RAB11FIP3: variants seen among roughly 807,000 people sequenced by gnomAD.
RAB11FIP3 encodes the protein rab11 family-interacting protein 3.
RAB11FIP3 carries 17 observed loss-of-function variants against 77.8 expected under a neutral mutation model. The ratio of observed to expected loss-of-function variants is 0.22; its 90% CI spans 0.15 to 0.33. The LOEUF is 0.33. RAB11FIP3 is among the 10% of genes least tolerant of loss of function. The pLI, the probability that RAB11FIP3 is intolerant of heterozygous loss-of-function variation, is 1.00. For missense variants in RAB11FIP3, 1,005 were observed against 1,011.2 expected (o/e 0.99, Z 0.08); for synonymous variants, 437 against 448.2 (o/e 0.98, Z 0.31).
intron 6 of RAB11FIP3, among the ~76,000 whole-genome samples, chr16:502,473 C>T (rs572012214): frequency 2.0e-5 from 3 of 152,234 alleles, no homozygotes; most frequent in East Asian, 1.9e-4. Flanking sequence ...CCAGTGTGTC[C>T]GTGAGGGTGA....
chr16:453,245 T>G (rs2055438935), intron 1 of RAB11FIP3: 1 of 151,392 alleles, frequency 6.6e-6, no homozygotes, highest in South Asian at 2.1e-4. Flanking sequence ...TGGCTAAATT[T>G]TTGTATTTTT....
chr16:499,520 G>A (rs2031367302), intron 6 of RAB11FIP3, among the ~76,000 whole-genome samples: 2 of 152,196 alleles, frequency 1.3e-5, no homozygotes, highest in East Asian at 1.9e-4. Context: ...AATCTGAGCC[G>A]GACGCAGTGG....
chr16:516,810 G>A (rs1283496262), intron 9 of RAB11FIP3, among the ~76,000 whole-genome samples: 3 of 152,196 alleles, frequency 2.0e-5, no homozygotes, highest in African/African-American at 7.2e-5. Flanking sequence ...CTGGGAGGCA[G>A]AGGTTGCACT....
chr16:496,705 G>T, intron 5 of RAB11FIP3, 119 bp from the exon 6 acceptor site: 2 of 983,414 alleles, frequency 2.0e-6, no homozygotes, highest in Non-Finnish European at 3.2e-6. Flanking sequence ...GGCCCTGCAT[G>T]CCGGGAGCAT....
At chr16:470,412 C>T (rs1292958249) in intron 2 of RAB11FIP3, among the ~76,000 whole-genome samples, 1 of 152,256 alleles carries the variant, frequency 6.6e-6, no homozygotes, top group Non-Finnish European at 1.5e-5. Context: ...GGATTACAGG[C>T]ATAGGCCACC....
intron 3 of RAB11FIP3, chr16:474,940 G>T: frequency 6.5e-7 from 1 of 1,547,972 alleles, no homozygotes; most frequent in South Asian, 1.2e-5. Flanking sequence ...ACCCCAGCAT[G>T]ACAAGCAAGT....
At chr16:487,293 G>C (rs922827383) in intron 4 of RAB11FIP3, among the ~76,000 whole-genome samples, 1 of 152,070 alleles carries the variant, frequency 6.6e-6, no homozygotes, top group East Asian at 1.9e-4. Flanking sequence ...ACCACCCCCA[G>C]GTAATTTTTT....
At chr16:449,903 G>A (rs1409538619) in intron 1 of RAB11FIP3, among the ~76,000 whole-genome samples, 1 of 151,266 alleles carries the variant, frequency 6.6e-6, no homozygotes, top group Non-Finnish European at 1.5e-5. Flanking sequence ...GTGAGCCAAG[G>A]TCGTGCCACT....
intron 5 of RAB11FIP3, among the ~76,000 whole-genome samples, chr16:492,487 TCCCGGGAGACCCGAGGCCGC>T (rs1567392514): frequency 0.074 from 1,764 of 23,878 alleles, 59 homozygotes; most frequent in East Asian, 0.13. Flanking sequence ...CCCAGGGCCC[TCCCGGGAGACCCGAGGCCGC>T]CCAGGGCCCT....
chr16:493,236 G>GATCGCA (rs956774176), intron 5 of RAB11FIP3, among the ~76,000 whole-genome samples: 4 of 129,958 alleles, frequency 3.1e-5, no homozygotes, highest in African/African-American at 1.2e-4. Flanking sequence ...GGGCAACAGA[G>GATCGCA]CCAAACTCTG....
intron 2 of RAB11FIP3, among the ~76,000 whole-genome samples, chr16:463,531 C>A (rs924878249): frequency 6.7e-6 from 1 of 148,622 alleles, no homozygotes; most frequent in Non-Finnish European, 1.5e-5. Context: ...CTCCGCCTCT[C>A]GGGTTCAAGC....
chr16:485,960 G>A (rs2056145956), intron 4 of RAB11FIP3, among the ~76,000 whole-genome samples: 2 of 152,138 alleles, frequency 1.3e-5, no homozygotes, highest in South Asian at 2.1e-4. Context: ...GCAGTGCAGT[G>A]GCACAATCTT....
At chr16:474,435 GT>G (rs1567377964) in intron 3 of RAB11FIP3, among the ~76,000 whole-genome samples, 1 of 152,144 alleles carries the variant, frequency 6.6e-6, no homozygotes, top group African/African-American at 2.4e-5. Flanking sequence ...CTGCTATGGT[GT>G]CTGAGTAAGT....
intron 1 of RAB11FIP3, among the ~76,000 whole-genome samples, chr16:429,499 T>C (rs908879048): frequency 3.5e-5 from 5 of 142,156 alleles, no homozygotes; most frequent in African/African-American, 1.3e-4. Flanking sequence ...ATTATCTTAA[T>C]TTTTTTTTTT....
intron 10 of RAB11FIP3, 151 bp downstream of exon 10, chr16:519,175 G>A: frequency 2.6e-6 from 2 of 757,938 alleles, no homozygotes; most frequent in Non-Finnish European, 4.3e-6. Flanking sequence ...GCCGCTGGAA[G>A]ACACTGGACC....
intron 1 of RAB11FIP3, among the ~76,000 whole-genome samples, chr16:427,822 G>A (rs902938961): frequency 6.6e-6 from 1 of 152,238 alleles, no homozygotes; most frequent in Non-Finnish European, 1.5e-5. Context: ...CTTGATGGTC[G>A]GGCGCGGTGG....
intron 1 of RAB11FIP3, among the ~76,000 whole-genome samples, chr16:458,388 A>G (rs1423756423): frequency 2.0e-5 from 3 of 152,010 alleles, no homozygotes; most frequent in African/African-American, 4.8e-5. Flanking sequence ...ACTTCACCAC[A>G]GGGCCTAGGG....
intron 9 of RAB11FIP3, among the ~76,000 whole-genome samples, chr16:511,863 A>G (rs1310600706): frequency 1.5e-5 from 2 of 129,416 alleles, no homozygotes; most frequent in African/African-American, 3.1e-5. Context: ...CCTGCAGGCC[A>G]GGTAGGAGTA....
rs568608543 is a variant in RAB11FIP3 at position 473,163 on chromosome 16, C to T, written c.903+1774C>T. Among the ~76,000 whole-genome samples the T allele has an allele frequency of 8.5e-5, 13 of 152,276 alleles. 1 individual carries two copies. The East Asian group carries it at 1.2e-3, about 14-fold the overall frequency. ...CAGGGAAACCTTGAGTGACGTTACTCGAGGCACCAAAGGCACCAGTGCATT... is the reference window on the plus strand; with the variant it reads ...CAGGGAAACCTTGAGTGACGTTACTTGAGGCACCAAAGGCACCAGTGCATT... On this transcript the variant is annotated intron_variant, in intron 3 of 13. Transcript: ENST00000262305.
Sources: allele counts gnomAD v4.1 joint callset (sites outside exome capture counted in the v4.1 genomes callset), GRCh38; gene constraint gnomAD v4.1.1; transcripts MANE v1.5; gene names NCBI Gene and HGNC (gene_info 2026-07-23, HGNC 2026-07-21).